The following KCNQ5 variants were observed in gnomAD, a reference collection of about 807,000 sequenced individuals.
KCNQ5 encodes potassium voltage-gated channel subfamily KQT member 5.
A neutral mutation model predicts 98.2 loss-of-function variants in KCNQ5; 30 were observed. That is an observed-to-expected ratio of 0.31 (90% CI 0.23 to 0.41). KCNQ5 has a LOEUF of 0.41. KCNQ5 is among the 10% of genes least tolerant of loss of function. KCNQ5 has a pLI of 1.00. For missense variants in KCNQ5, 835 were observed against 1,182.5 expected (o/e 0.71, Z 4.31); for synonymous variants, 458 against 449.4 (o/e 1.02, Z -0.24).
chr6:73,150,846 GTGTGTA>G (rs980729999), intron 10 of KCNQ5, among the ~76,000 whole-genome samples: 2 of 151,568 alleles, frequency 1.3e-5, no homozygotes, highest in East Asian at 1.9e-4. Context: ...GTGTGTGTGT[GTGTGTA>G]TATCCATTTA....
chr6:72,706,983 T>TCATTATCC (rs1262968906), intron 1 of KCNQ5, among the ~76,000 whole-genome samples: 11 of 152,164 alleles, frequency 7.2e-5, no homozygotes, highest in Non-Finnish European at 2.9e-5. Context: ...ATTCATTATC[T>TCATTATCC]TAACTGTTTC....
In KCNQ5 at chr6:73,012,483, GT is replaced by G. The variant is rs559654766; in HGVS notation, c.489+8487del. Among the ~76,000 whole-genome samples, 177 of 152,162 alleles carry G rather than the reference GT, an allele frequency of 1.2e-3. 1 individual carries two copies. Among genetic ancestry groups the G allele is most frequent in the African/African-American group, 4.1e-3 (169 of 41,550 alleles). ...GGCTGTAGGGATCAGGGAATAGTGA[GT>G]TATTGTTTAATAGATGAAGAGTTTC... On this transcript the variant is annotated intron_variant, in intron 2 of 13. Transcript: ENST00000370398.
intron 1 of KCNQ5, among the ~76,000 whole-genome samples, chr6:72,903,553 A>AT (rs1351679387): frequency 1.3e-5 from 2 of 152,056 alleles, no homozygotes; most frequent in African/African-American, 4.8e-5. Flanking sequence ...CAATTCAAAG[A>AT]TTTTTTTAAC....
chr6:73,020,098 G>A (rs1256190040), intron 2 of KCNQ5, among the ~76,000 whole-genome samples: 1 of 152,120 alleles, frequency 6.6e-6, no homozygotes, highest in Non-Finnish European at 1.5e-5. Context: ...CAGTTTTAGA[G>A]TGGACACCAG....
At chr6:73,009,722 G>T (rs1411858514) in intron 2 of KCNQ5, among the ~76,000 whole-genome samples, 1 of 152,030 alleles carries the variant, frequency 6.6e-6, no homozygotes. Flanking sequence ...GAAATAAAAA[G>T]GACAATAAGA....
chr6:72,662,501 A>G (rs1766581577), intron 1 of KCNQ5, among the ~76,000 whole-genome samples: 3 of 152,208 alleles, frequency 2.0e-5, no homozygotes, highest in African/African-American at 7.2e-5. Flanking sequence ...TCATTACACC[A>G]TGCCCATGAG....
intron 1 of KCNQ5, among the ~76,000 whole-genome samples, chr6:72,652,432 C>G (rs1352299470): frequency 2.0e-5 from 3 of 151,466 alleles, no homozygotes; most frequent in Non-Finnish European, 4.4e-5. Context: ...TGGTTTTTCC[C>G]CCTCCCTCTT....
chr6:72,629,810 G>A (rs541275512), intron 1 of KCNQ5, among the ~76,000 whole-genome samples: 5 of 152,234 alleles, frequency 3.3e-5, no homozygotes, highest in African/African-American at 7.2e-5. Context: ...TTATGAGTGC[G>A]TTATTTGAAG....
At chr6:73,127,136 A>G (rs1037307178) in intron 9 of KCNQ5, among the ~76,000 whole-genome samples, 1 of 152,214 alleles carries the variant, frequency 6.6e-6, no homozygotes, top group African/African-American at 2.4e-5. Context: ...AGAAAGTAAC[A>G]AAGTTGTCCT....
chr6:72,867,060 G>A (rs1262847735), intron 1 of KCNQ5, among the ~76,000 whole-genome samples: 2 of 152,126 alleles, frequency 1.3e-5, no homozygotes, highest in Admixed American at 6.5e-5. Flanking sequence ...TCACCTATTA[G>A]TTTAATAGTT....
intron 1 of KCNQ5, among the ~76,000 whole-genome samples, chr6:72,955,510 A>G (rs1261065629): frequency 6.6e-6 from 1 of 152,192 alleles, no homozygotes; most frequent in Non-Finnish European, 1.5e-5. Flanking sequence ...CTAATCTATT[A>G]TAACTATAAG....
chr6:72,899,995 G>T (rs186714382), intron 1 of KCNQ5, among the ~76,000 whole-genome samples: 1 of 151,958 alleles, frequency 6.6e-6, no homozygotes, highest in South Asian at 2.1e-4. Flanking sequence ...GCACCACCAC[G>T]CCCTGCTACC....
intron 10 of KCNQ5, among the ~76,000 whole-genome samples, chr6:73,153,641 A>G (rs1046439041): frequency 6.6e-6 from 1 of 151,976 alleles, no homozygotes; most frequent in African/African-American, 2.4e-5. Context: ...ATATGAGGAC[A>G]TTTTTTCAGA....
At chr6:72,972,795 A>T (rs1396476504) in intron 1 of KCNQ5, among the ~76,000 whole-genome samples, 1 of 152,214 alleles carries the variant, frequency 6.6e-6, no homozygotes, top group Non-Finnish European at 1.5e-5. Context: ...GCCTAATCTC[A>T]GGGGCACTAT....
At chr6:72,904,155 G>A (rs145484649) in intron 1 of KCNQ5, among the ~76,000 whole-genome samples, 19 of 152,258 alleles carry the variant, frequency 1.2e-4, no homozygotes, top group African/African-American at 3.8e-4. Context: ...AGCTTTAAAT[G>A]TGTTTTGTCT....
At chr6:72,672,558 T>C (rs1314052400) in intron 1 of KCNQ5, among the ~76,000 whole-genome samples, 1 of 152,146 alleles carries the variant, frequency 6.6e-6, no homozygotes, top group South Asian at 2.1e-4. Flanking sequence ...GTGTCAGAAG[T>C]CCTAGTTTCC....
At chr6:72,744,570 G>A (rs533857730) in intron 1 of KCNQ5, among the ~76,000 whole-genome samples, 1 of 152,268 alleles carries the variant, frequency 6.6e-6, no homozygotes, top group Non-Finnish European at 1.5e-5. Flanking sequence ...CAGTACTTTG[G>A]GAGGCCAAGG....
At chr6:72,673,602 A>T (rs1055947767) in intron 1 of KCNQ5, among the ~76,000 whole-genome samples, 4 of 151,732 alleles carry the variant, frequency 2.6e-5, no homozygotes, top group African/African-American at 9.7e-5. Context: ...GCAGTGACCC[A>T]TGGGGAGGAG....
intron 2 of KCNQ5, among the ~76,000 whole-genome samples, chr6:73,014,505 G>A (rs1445763977): frequency 6.6e-6 from 1 of 152,018 alleles, no homozygotes; most frequent in East Asian, 1.9e-4. Flanking sequence ...ATCTGGATGA[G>A]TACTCTATCC....
Sources: gnomAD v4.1 joint callset for allele counts (sites outside exome capture counted in the v4.1 genomes callset) on GRCh38, gnomAD v4.1.1 for gene constraint, MANE v1.5 for transcripts, NCBI Gene and HGNC (gene_info 2026-07-23, HGNC 2026-07-21) for gene names.